The following GRIK2 variants were observed in gnomAD, a reference collection of about 807,000 sequenced individuals.
GRIK2 encodes the protein glutamate ionotropic receptor kainate type subunit 2, also known as glutamate receptor ionotropic, kainate 2.
In GRIK2, 32 loss-of-function variants were observed where a neutral mutation model predicts 100.3. The ratio of observed to expected loss-of-function variants is 0.32; its 90% CI spans 0.24 to 0.43. GRIK2 has a LOEUF of 0.43. GRIK2 is among the 20% of genes least tolerant of loss of function. The probability of loss-of-function intolerance (pLI) is 1.00; values close to 1 mark genes in which losing one functional copy is unlikely to be tolerated. For synonymous variants in GRIK2, 417 were observed against 389.4 expected, an observed-to-expected ratio of 1.07 and a Z score of -0.83; for missense variants, 843 against 1,114.9, an observed-to-expected ratio of 0.76 and a Z score of 3.47.
intron 14 of GRIK2, among the ~76,000 whole-genome samples, chr6:101,982,937 A>G (rs1288317509): frequency 2.0e-5 from 3 of 151,796 alleles, no homozygotes; most frequent in Non-Finnish European, 4.4e-5. Context: ...CTCTGATTCT[A>G]TATTTGGAAA....
chr6:101,961,009 A>G (rs1034251630), intron 14 of GRIK2, among the ~76,000 whole-genome samples: 3 of 152,124 alleles, frequency 2.0e-5, no homozygotes, highest in Admixed American at 6.5e-5. Context: ...AGATACCCCA[A>G]TGATAAGTTA....
At position 101,626,572 on chromosome 6, in the gene GRIK2, C is replaced by T. The variant is rs577245133; in HGVS notation, c.476C>T (p.Ala159Val). Residue 159 changes from alanine (A) to valine (V), a missense_variant, in exon 4 of 17, where the codon GCC (alanine) becomes GTC (valine). Transcript: ENST00000369134. ...CCAGACTTCTCTTCACTCAGCCGTG[C>T]CATTTTAGACCTGGTGCAGTTTTTC... is the stretch of plus-strand genomic sequence containing the variant. ...LYPDFSSLSRAILDLVQFFKW... is the reference protein window; with the variant it reads ...LYPDFSSLSRVILDLVQFFKW... The T allele has an allele frequency of 4.3e-6, 7 of 1,613,458 alleles. No individual in the cohort carries two copies. Among genetic ancestry groups the T allele is most frequent in the Non-Finnish European group, 5.9e-6 (7 of 1,179,564 alleles).
chr6:101,963,650 C>A (rs946741480), intron 14 of GRIK2, among the ~76,000 whole-genome samples: 1 of 151,616 alleles, frequency 6.6e-6, no homozygotes, highest in African/African-American at 2.4e-5. Flanking sequence ...CCGCGCCCGG[C>A]CACTTATTTA....
At chr6:101,840,854 A>G (rs1325486598) in intron 10 of GRIK2, among the ~76,000 whole-genome samples, 1 of 152,254 alleles carries the variant, frequency 6.6e-6, no homozygotes, top group East Asian at 1.9e-4. Flanking sequence ...AAGCAAACAA[A>G]ACATTTTTTC....
chr6:101,681,279 T>G (rs561091137), intron 5 of GRIK2, among the ~76,000 whole-genome samples: 6 of 152,270 alleles, frequency 3.9e-5, no homozygotes, highest in Middle Eastern at 3.4e-3. Flanking sequence ...GTTTGTTTTG[T>G]AATGGGGTGT....
At chr6:101,787,724 C>T (rs1232787811) in intron 7 of GRIK2, among the ~76,000 whole-genome samples, 2 of 152,074 alleles carry the variant, frequency 1.3e-5, no homozygotes, top group African/African-American at 4.8e-5. Context: ...TGTGGCCTTA[C>T]ATTGTTTTTC....
intron 12 of GRIK2, among the ~76,000 whole-genome samples, chr6:101,911,006 G>A (rs956332698): frequency 1.3e-5 from 2 of 151,292 alleles, no homozygotes; most frequent in Non-Finnish European, 3.0e-5. Flanking sequence ...CTTAAAGAGA[G>A]GCAGCCAAAC....
intron 2 of GRIK2, among the ~76,000 whole-genome samples, chr6:101,585,993 G>A (rs1778337966): frequency 6.6e-6 from 1 of 151,982 alleles, no homozygotes; most frequent in Admixed American, 6.6e-5. Flanking sequence ...TAAAATTAGA[G>A]GAAAGAAAAG....
intron 2 of GRIK2, among the ~76,000 whole-genome samples, chr6:101,406,292 GA>G (rs1463178013): frequency 6.6e-6 from 1 of 151,998 alleles, no homozygotes; most frequent in East Asian, 1.9e-4. Flanking sequence ...GCAGCATTCA[GA>G]TATAGTATTT....
At chr6:101,700,296 C>T (rs534609319) in intron 7 of GRIK2, among the ~76,000 whole-genome samples, 22 of 151,788 alleles carry the variant, frequency 1.4e-4, no homozygotes, top group Middle Eastern at 3.4e-3. Context: ...CTGCTATAAA[C>T]GTTATAAAAA....
chr6:101,791,612 A>G (rs1013783074), intron 7 of GRIK2, among the ~76,000 whole-genome samples: 7 of 151,904 alleles, frequency 4.6e-5, no homozygotes, highest in African/African-American at 1.7e-4. Context: ...TTTGCTGAGG[A>G]GAGCTTTACT....
At chr6:101,683,325 C>A (rs1771429738) in intron 6 of GRIK2, among the ~76,000 whole-genome samples, 1 of 152,084 alleles carries the variant, frequency 6.6e-6, no homozygotes, top group South Asian at 2.1e-4. Flanking sequence ...ATTTTCTATT[C>A]TGCTTTTGCC....
intron 2 of GRIK2, among the ~76,000 whole-genome samples, chr6:101,550,587 T>A (rs535253382): frequency 8.5e-5 from 13 of 152,314 alleles, no homozygotes; most frequent in Non-Finnish European, 1.6e-4. Flanking sequence ...ATTGTGACAG[T>A]TTGGATATCC....
At chr6:101,525,176 T>C (rs183843749) in intron 2 of GRIK2, among the ~76,000 whole-genome samples, 1 of 152,352 alleles carries the variant, frequency 6.6e-6, no homozygotes, top group Non-Finnish European at 1.5e-5. Context: ...AGAAGTTACA[T>C]TAAAGAAGCT....
chr6:101,536,867 C>G (rs896503054), intron 2 of GRIK2, among the ~76,000 whole-genome samples: 7 of 151,492 alleles, frequency 4.6e-5, no homozygotes, highest in African/African-American at 1.5e-4. Flanking sequence ...ATCAATGTCC[C>G]ATTATTGCAA....
At chr6:101,639,229 G>A (rs1781169311) in intron 4 of GRIK2, among the ~76,000 whole-genome samples, 1 of 152,064 alleles carries the variant, frequency 6.6e-6, no homozygotes, top group Admixed American at 6.6e-5. Context: ...GTAGAGATGG[G>A]ATTTCACCAT....
At chr6:101,974,534 G>T (rs1286302164) in intron 14 of GRIK2, among the ~76,000 whole-genome samples, 4 of 152,026 alleles carry the variant, frequency 2.6e-5, no homozygotes, top group African/African-American at 9.7e-5. Context: ...AGGGACTTCG[G>T]AAAGTCTCAA....
At chr6:101,471,254 T>C (rs1771931186) in intron 2 of GRIK2, among the ~76,000 whole-genome samples, 1 of 152,080 alleles carries the variant, frequency 6.6e-6, no homozygotes, top group Non-Finnish European at 1.5e-5. Context: ...TATAACGCTT[T>C]GGTAGATTAA....
chr6:101,549,364 G>A (rs559156737), intron 2 of GRIK2, among the ~76,000 whole-genome samples: 4 of 151,598 alleles, frequency 2.6e-5, no homozygotes, highest in Admixed American at 1.3e-4. Flanking sequence ...GGCATTTCAC[G>A]GAGACAGATG....
Sources: allele counts gnomAD v4.1 joint callset (sites outside exome capture counted in the v4.1 genomes callset), GRCh38; gene constraint gnomAD v4.1.1; transcripts MANE v1.5; gene names NCBI Gene and HGNC (gene_info 2026-07-23, HGNC 2026-07-21).